ANKRD30A: variants seen among roughly 807,000 people sequenced by gnomAD.
The protein encoded by ANKRD30A is ankyrin repeat domain 30A, also known as ankyrin repeat domain-containing protein 30A.
A neutral mutation model predicts 166.3 loss-of-function variants in ANKRD30A; 170 were observed. That is an observed-to-expected ratio of 1.02 (90% CI 0.90 to 1.16). The LOEUF is 1.16. Ranked by LOEUF, ANKRD30A falls within the 50% of genes most tolerant of loss-of-function variation. ANKRD30A has a pLI of 0.00. For missense variants in ANKRD30A, 1,630 were observed against 1,518.0 expected (o/e 1.07, Z -1.23); for synonymous variants, 564 against 508.9 (o/e 1.11, Z -1.46).
At position 37,216,336 on chromosome 10, in the gene ANKRD30A, A is replaced by G; in HGVS notation, c.3025A>G (p.Ile1009Val). 1 of 1,608,662 alleles carries G rather than the reference A, an allele frequency of 6.2e-7. No homozygotes were observed. The highest frequency in any genetic ancestry group is 8.5e-7 in the Non-Finnish European group (1 of 1,176,518). The change falls in exon 32 of 36, where the codon ATA (isoleucine) becomes GTA (valine). Residue 1009 changes from isoleucine (I) to valine (V), a missense_variant. Ile to Val is a conservative substitution (Grantham distance 29, BLOSUM62 3). This residue lies in a region of ANKRD30A where 712 missense variants were observed against 629.3 expected (regional missense o/e 1.13). Coordinates refer to ENST00000361713, the MANE Select transcript of ANKRD30A (RefSeq NM_052997.3). ...AAAGAAACTGTCAGAAGCAAAAGAA[A>G]TAAAATCACAGTTAGAGAACCAAAA... ...LKKKLSEAKE[I>V]KSQLENQKVK...
rs377740138 is a variant in ANKRD30A, at chr10:37,141,792, G to A, written c.895G>A (p.Val299Met). The A allele has an allele frequency of 1.0e-4, 163 of 1,612,246 alleles. No homozygotes were observed. In the Middle Eastern group the frequency reaches 2.6e-3, roughly 25 times the overall value. Reference protein sequence around the residue: ...ERTPDTAESLVEKTPDEAAPL... With the variant: ...ERTPDTAESLMEKTPDEAAPL... Reference sequence around the variant, plus strand: ...AACACCTGACACAGCTGAAAGCTTGGTGGAAAAAACACCTGATGAGGCTGC... The same window carrying A: ...AACACCTGACACAGCTGAAAGCTTGATGGAAAAAACACCTGATGAGGCTGC... Residue 299 changes from valine (V) to methionine (M), a missense_variant, in exon 7 of 36, where the codon GTG (valine) becomes ATG (methionine). Around this residue, in one of 4 missense-constraint regions of ANKRD30A, gnomAD observed 904 missense variants for 818.5 expected, o/e 1.10. Transcript: ENST00000361713.
chr10:37,140,617 G>T (rs536492576), intron 6 of ANKRD30A, among the ~76,000 whole-genome samples: 39 of 152,184 alleles, frequency 2.6e-4, no homozygotes, highest in Admixed American at 1.0e-3. Flanking sequence ...GATAATTAGG[G>T]TGTTAATAGT....
intron 8 of ANKRD30A, among the ~76,000 whole-genome samples, chr10:37,145,490 T>A (rs1490456849): frequency 1.5e-5 from 2 of 135,784 alleles, no homozygotes; most frequent in South Asian, 2.5e-4. Flanking sequence ...AGTGAGACTC[T>A]GTCTCCAAAA....
intron 31 of ANKRD30A, among the ~76,000 whole-genome samples, chr10:37,202,950 C>A (rs2132698558): frequency 6.6e-6 from 1 of 151,870 alleles, no homozygotes; most frequent in East Asian, 1.9e-4. Flanking sequence ...AGGAGAATCC[C>A]CGAATAGACC....
chr10:37,194,206 A>G (rs2132667362), intron 27 of ANKRD30A, among the ~76,000 whole-genome samples: 1 of 152,194 alleles, frequency 6.6e-6, no homozygotes, highest in South Asian at 2.1e-4. Context: ...CAAAGAAATA[A>G]AAACACAAAA....
chr10:37,159,155 A>G (rs1838631167), intron 15 of ANKRD30A, among the ~76,000 whole-genome samples: 2 of 152,168 alleles, frequency 1.3e-5, no homozygotes, highest in Non-Finnish European at 2.9e-5. Context: ...ATGCTACTGT[A>G]ATGAATTGCC....
downstream of ANKRD30A, among the ~76,000 whole-genome samples, chr10:37,234,867 A>G (rs1044158298): frequency 6.6e-6 from 1 of 152,198 alleles, no homozygotes; most frequent in Non-Finnish European, 1.5e-5. Flanking sequence ...ATTGTGTCAC[A>G]TGGTGGAAAG....
At chr10:37,137,115 A>G (rs1477558124) in intron 6 of ANKRD30A, among the ~76,000 whole-genome samples, 2 of 151,964 alleles carry the variant, frequency 1.3e-5, no homozygotes, top group African/African-American at 2.4e-5. Context: ...TGATCAGGTT[A>G]TCCAATTTAA....
At chr10:37,200,055 G>T (rs1214587773) in intron 30 of ANKRD30A, among the ~76,000 whole-genome samples, 1 of 151,942 alleles carries the variant, frequency 6.6e-6, no homozygotes, top group Admixed American at 6.6e-5. Context: ...AATTCACATG[G>T]GATCTGAAGT....
At chr10:37,237,115 C>A (rs1304846667), downstream of ANKRD30A, among the ~76,000 whole-genome samples, 1 of 152,178 alleles carries the variant, frequency 6.6e-6, no homozygotes, top group Non-Finnish European at 1.5e-5. Context: ...CATGCATTTT[C>A]TCTGAGTTAT....
At chr10:37,192,195 C>T (rs958767030) in intron 25 of ANKRD30A, among the ~76,000 whole-genome samples, 1 of 151,892 alleles carries the variant, frequency 6.6e-6, no homozygotes, top group Non-Finnish European at 1.5e-5. Context: ...TGCCACCATA[C>T]CTGGCTGATT....
intron 13 of ANKRD30A, among the ~76,000 whole-genome samples, chr10:37,157,519 C>G (rs1274054283): frequency 1.3e-5 from 2 of 152,122 alleles, no homozygotes; most frequent in Non-Finnish European, 2.9e-5. Flanking sequence ...GCATGTACCA[C>G]CATACCTGGC....
intron 21 of ANKRD30A, among the ~76,000 whole-genome samples, chr10:37,173,014 T>TA (rs1371076681): frequency 6.6e-6 from 1 of 152,354 alleles, no homozygotes; most frequent in African/African-American, 2.4e-5. Context: ...CTTAACAATA[T>TA]AAAAAAAGTT....
At chr10:37,202,922 C>T (rs185388189) in intron 31 of ANKRD30A, among the ~76,000 whole-genome samples, 121 of 152,266 alleles carry the variant, frequency 7.9e-4, no homozygotes, top group African/African-American at 2.8e-3. Flanking sequence ...GCTACACCCT[C>T]CCAAGACTAA....
chr10:37,140,610 A>T (rs1196159203), intron 6 of ANKRD30A, among the ~76,000 whole-genome samples: 1 of 152,206 alleles, frequency 6.6e-6, no homozygotes, highest in Non-Finnish European at 1.5e-5. Context: ...TCTGCTGGAT[A>T]ATTAGGGTGT....
At chr10:37,162,942 T>G in intron 17 of ANKRD30A, 94 bp downstream of exon 17, 1 of 1,462,556 alleles carries the variant, frequency 6.8e-7, no homozygotes, top group Non-Finnish European at 9.3e-7. Context: ...TTTTTCAACT[T>G]TGATGAAAAG....
intron 18 of ANKRD30A, among the ~76,000 whole-genome samples, chr10:37,166,291 A>G (rs1200890): frequency 1.4e-4 from 21 of 152,222 alleles, no homozygotes; most frequent in South Asian, 8.3e-4. Context: ...GGACTAGAAC[A>G]TAAGTTAGAT....
intron 30 of ANKRD30A, among the ~76,000 whole-genome samples, chr10:37,200,532 A>G (rs1490756165): frequency 1.3e-5 from 2 of 152,070 alleles, no homozygotes. Flanking sequence ...GGTAACAGCA[A>G]AGGGTGGAAG....
chr10:37,150,886 C>T (rs949581931), intron 11 of ANKRD30A, among the ~76,000 whole-genome samples: 4 of 152,128 alleles, frequency 2.6e-5, no homozygotes, highest in East Asian at 3.9e-4. Flanking sequence ...TGCAATCATA[C>T]ACTCCACTAA....
Sources: gnomAD v4.1 joint callset for allele counts (sites outside exome capture counted in the v4.1 genomes callset) on GRCh38, gnomAD v4.1.1 for gene constraint, gnomAD v4.1.1 regional missense constraint, MANE v1.5 for transcripts, NCBI Gene and HGNC (gene_info 2026-07-23, HGNC 2026-07-21) for gene names.